Variants in RNF135 observed in about 807,000 individuals in gnomAD.
RNF135 encodes E3 ubiquitin-protein ligase RNF135.
A neutral mutation model predicts 41.9 loss-of-function variants in RNF135; 46 were observed. The ratio of observed to expected loss-of-function variants is 1.10; its 90% confidence interval spans 0.87 to 1.40. The LOEUF is 1.40. Among genes scored for constraint, RNF135 ranks in the 40% most tolerant of loss-of-function variants. RNF135 has a pLI of 0.00. For missense variants in RNF135, 539 were observed against 549.8 expected (o/e 0.98, Z 0.20); for synonymous variants, 238 against 223.8 (o/e 1.06, Z -0.57).
Position 30,971,308 on chromosome 17 carries a change from C to A in RNF135, c.235C>A (p.Gln79Lys). The A allele has an allele frequency of 6.5e-7, 1 of 1,533,722 alleles. No homozygotes were observed. Among genetic ancestry groups the A allele is most frequent in the Non-Finnish European group, 8.7e-7 (1 of 1,143,514 alleles). ...GCACCTGCGGAAGAACACGCTACTG[C>A]AGGACCTGGCCGACAAGTACCGCCG... Reference protein sequence around the residue: ...QPHLRKNTLLQDLADKYRRAA... With the variant: ...QPHLRKNTLLKDLADKYRRAA... Residue 79 changes from glutamine to lysine, a missense_variant, in exon 1 of 5, where the codon CAG becomes AAG. Around this residue, in one of 2 missense-constraint regions of RNF135, gnomAD observed 277 missense variants for 212.8 expected, o/e 1.30. Coordinates refer to ENST00000328381, the MANE Select transcript of RNF135 (RefSeq NM_032322.4).
intron 1 of RNF135, among the ~76,000 whole-genome samples, chr17:30,983,903 T>A (rs547341563): frequency 7.3e-4 from 111 of 152,326 alleles, no homozygotes; most frequent in African/African-American, 2.5e-3. Context: ...ATATCTTCTT[T>A]GGAGAAATAG....
intron 1 of RNF135, among the ~76,000 whole-genome samples, chr17:30,974,926 C>CCTCGT (rs1201317347): frequency 2.6e-5 from 4 of 151,960 alleles, no homozygotes; most frequent in African/African-American, 9.7e-5. Context: ...GATCTGCCTG[C>CCTCGT]CTCGGCCTCC....
At chr17:30,980,825 C>T (rs1202598158) in intron 1 of RNF135, among the ~76,000 whole-genome samples, 2 of 149,772 alleles carry the variant, frequency 1.3e-5, no homozygotes, top group African/African-American at 4.9e-5. Flanking sequence ...AAGAGGCGCT[C>T]CTCGCTTCCT....
At chr17:30,985,853 T>A (rs7221226) in intron 2 of RNF135, among the ~76,000 whole-genome samples, 4 of 152,126 alleles carry the variant, frequency 2.6e-5, no homozygotes, top group African/African-American at 9.7e-5. Flanking sequence ...CTGCTCATGC[T>A]GCCTGGCTCT....
chr17:30,970,269 T>A (rs1419932455), upstream of RNF135: 1 of 152,046 alleles, frequency 6.6e-6, no homozygotes, highest in African/African-American at 2.4e-5. Context: ...CTGGTTGCAA[T>A]GCGTTTAGGA....
Position 30,999,236 on chromosome 17 carries a change from C to A in RNF135, c.*45C>A. The A allele has an allele frequency of 6.3e-7, 1 of 1,590,642 alleles. No individual in the cohort carries two copies. The highest frequency in any genetic ancestry group is 8.6e-7 in the Non-Finnish European group (1 of 1,166,812). On this transcript the variant is annotated 3_prime_UTR_variant, in exon 5 of 5. Coordinates refer to ENST00000328381, the MANE Select transcript of RNF135 (RefSeq NM_032322.4). ...ACACAGTGGTTTCCTGGTCTCTCTC[C>A]CTGTCATCAATCAGGGTAGTAACTT...
At chr17:30,964,384 C>T in the RNF135 span, among the ~76,000 whole-genome samples, 1 of 81,552 alleles carries the variant, frequency 1.2e-5, no homozygotes, top group South Asian at 4.7e-4. Flanking sequence ...AGTGAGACTT[C>T]ATCTCAAAAA....
chr17:30,979,748 G>A (rs1258162385), intron 1 of RNF135, among the ~76,000 whole-genome samples: 1 of 125,566 alleles, frequency 8.0e-6, no homozygotes, highest in African/African-American at 3.0e-5. Flanking sequence ...GGGGCGGCTG[G>A]CCGGGCAGGG....
intron 1 of RNF135, chr17:30,979,259 C>G (rs1480440168): frequency 6.8e-6 from 1 of 146,044 alleles, no homozygotes; most frequent in Non-Finnish European, 1.5e-5. Context: ...CCCACCCTCC[C>G]GGACGGGGCG....
chr17:30,982,689 G>T (rs1907243184), intron 1 of RNF135, among the ~76,000 whole-genome samples: 1 of 152,088 alleles, frequency 6.6e-6, no homozygotes, highest in Non-Finnish European at 1.5e-5. Context: ...ATCTTGCTCT[G>T]CCCTCTCCAC....
chr17:30,978,335 TTTC>T (rs1267144605), intron 1 of RNF135, among the ~76,000 whole-genome samples: 1 of 152,182 alleles, frequency 6.6e-6, no homozygotes, highest in Non-Finnish European at 1.5e-5. Flanking sequence ...CCACTATTTC[TTTC>T]TCTACCTCCT....
chr17:30,962,163 T>A, the RNF135 span, among the ~76,000 whole-genome samples: 1 of 151,490 alleles, frequency 6.6e-6, no homozygotes, highest in Non-Finnish European at 1.5e-5. Flanking sequence ...AGATGGAGTC[T>A]CTCTGTGTCG....
At chr17:30,990,272 C>T (rs999063078) in intron 3 of RNF135, among the ~76,000 whole-genome samples, 1 of 152,056 alleles carries the variant, frequency 6.6e-6, no homozygotes, top group Non-Finnish European at 1.5e-5. Flanking sequence ...CCTGTAATCC[C>T]AGCACTTTGT....
chr17:30,967,889 A>G (rs1255802852), upstream of RNF135, among the ~76,000 whole-genome samples: 1 of 150,468 alleles, frequency 6.6e-6, no homozygotes, highest in Admixed American at 6.6e-5. Context: ...TATTTTTCGA[A>G]CTCCTGACCT....
rs1908563904 is a variant in RNF135 at position 30,999,007 on chromosome 17, G to T, written c.1115G>T (p.Arg372Ile). ...MVKETVLGSD[R>I]PGVVGIWLNL... ...AAGGAAACTGTCCTTGGCTCAGACA[G>T]ACCTGGGGTGGTGGGCATCTGGCTG... is the stretch of plus-strand genomic sequence containing the variant. Residue 372 changes from arginine (R) to isoleucine (I), a missense_variant, in exon 5 of 5, where the codon AGA becomes ATA. Around this residue, in one of 2 missense-constraint regions of RNF135, gnomAD observed 262 missense variants for 336.9 expected, o/e 0.78. Coordinates refer to ENST00000328381, the MANE Select transcript of RNF135 (RefSeq NM_032322.4). 2 of 1,614,162 alleles carry T rather than the reference G, an allele frequency of 1.2e-6. No individual in the cohort carries two copies. Among genetic ancestry groups the T allele is most frequent in the Non-Finnish European group, 1.7e-6 (2 of 1,180,032 alleles).
Position 30,971,624 on chromosome 17 carries a change from G to A in RNF135, c.372+179G>A. 2.2e-6 allele frequency: 3 copies of A among 1,352,978 alleles called. No individual in the cohort carries two copies. The South Asian group carries it at 5.5e-5, about 25-fold the overall frequency. 83.8% of individuals were successfully genotyped at this position (1,352,978 alleles called of 1,614,324 possible). A position where few individuals can be genotyped will look rare whatever the true frequency, so the allele number is the denominator to read the frequency against. On this transcript the variant is annotated intron_variant, in intron 1 of 4. Coordinates refer to ENST00000328381, the MANE Select transcript of RNF135 (RefSeq NM_032322.4). ...GGAAAGTTCATAAAAGTATGAAGAA[G>A]TAGAAAAAAACAAATTCCCCATCTT...
intron 1 of RNF135, among the ~76,000 whole-genome samples, chr17:30,976,475 C>T (rs929364859): frequency 5.9e-5 from 9 of 152,184 alleles, no homozygotes; most frequent in Admixed American, 4.6e-4. Context: ...TCCATTTGAT[C>T]TACAGTACAG....
intron 1 of RNF135, among the ~76,000 whole-genome samples, chr17:30,981,765 AC>A (rs1311817733): frequency 6.6e-6 from 1 of 152,196 alleles, no homozygotes; most frequent in Non-Finnish European, 1.5e-5. Context: ...ATTAGGGGGC[AC>A]CCCAAGCCCA....
chr17:30,974,685 A>AT (rs1281456027), intron 1 of RNF135, among the ~76,000 whole-genome samples: 8 of 146,012 alleles, frequency 5.5e-5, no homozygotes, highest in Non-Finnish European at 9.0e-5. Flanking sequence ...TATTATTATT[A>AT]TTATTTTTTT....
Sources: gnomAD v4.1 joint callset for allele counts (sites outside exome capture counted in the v4.1 genomes callset) on GRCh38, gnomAD v4.1.1 for gene constraint, gnomAD v4.1.1 regional missense constraint, MANE v1.5 for transcripts, NCBI Gene and HGNC (gene_info 2026-07-23, HGNC 2026-07-21) for gene names.